Variants in SAMMSON observed in about 807,000 individuals in gnomAD.
The protein encoded by SAMMSON is survival associated mitochondrial melanoma specific oncogenic non-coding RNA.
chr3:70,128,491 A>T (rs2067468223), intron 4 of SAMMSON, among the ~76,000 whole-genome samples: 1 of 152,226 alleles, frequency 6.6e-6, no homozygotes, highest in South Asian at 2.1e-4. Context: ...AAACCATTTC[A>T]TATTTTAAAA....
chr3:70,125,518 G>T, intron 4 of SAMMSON: 3 of 704,574 alleles, frequency 4.3e-6, no homozygotes, highest in South Asian at 3.1e-5. Context: ...AATTAGGTTT[G>T]GGAAAGATTT....
At chr3:70,212,251 C>T (rs1701358591) in intron 4 of SAMMSON, among the ~76,000 whole-genome samples, 1 of 152,150 alleles carries the variant, frequency 6.6e-6, no homozygotes, top group Non-Finnish European at 1.5e-5. Context: ...ACAGTAATCA[C>T]AAATTACAGC....
rs1215335562 is a variant in SAMMSON, at chr3:70,380,272, T to TA, written n.914-9296dup. On this transcript the variant is annotated intron_variant and non_coding_transcript_variant, in intron 9 of 9. Coordinates refer to ENST00000642114, the Ensembl canonical transcript of SAMMSON. ...GAGATTAAAGTATGTTTATGTAGGA[T>TA]AAAAAATATTTTTCTAATATTGTTA... 2.6e-5 allele frequency among the ~76,000 whole-genome samples: 4 copies of TA among 152,208 alleles called. No individual in the cohort carries two copies. In the East Asian group the frequency reaches 7.7e-4, roughly 29 times the overall value.
chr3:70,277,523 A>G (rs1702039454), intron 6 of SAMMSON, among the ~76,000 whole-genome samples: 1 of 152,200 alleles, frequency 6.6e-6, no homozygotes, highest in Non-Finnish European at 1.5e-5. Context: ...CTGAACGAAC[A>G]GACCGCTTTT....
chr3:70,074,045 CT>C (rs2067239476), intron 4 of SAMMSON, among the ~76,000 whole-genome samples: 1 of 151,552 alleles, frequency 6.6e-6, no homozygotes, highest in Non-Finnish European at 1.5e-5. Flanking sequence ...TATTATTTTT[CT>C]TTTTATTTTG....
chr3:70,402,754 C>G (rs1161298512), intron 2 of SAMMSON, among the ~76,000 whole-genome samples: 1 of 151,930 alleles, frequency 6.6e-6, no homozygotes, highest in Non-Finnish European at 1.5e-5. Flanking sequence ...CCCAGCTACT[C>G]AAGAGGCTAA....
intron 4 of SAMMSON, among the ~76,000 whole-genome samples, chr3:70,105,071 C>T (rs992962508): frequency 6.6e-6 from 1 of 152,048 alleles, no homozygotes; most frequent in Non-Finnish European, 1.5e-5. Flanking sequence ...ATATATAGAA[C>T]CTTACTCAGG....
At chr3:70,225,458 T>C (rs1328489887) in intron 4 of SAMMSON, among the ~76,000 whole-genome samples, 2 of 152,218 alleles carry the variant, frequency 1.3e-5, no homozygotes, top group African/African-American at 4.8e-5. Context: ...TCAAAAACAT[T>C]GTAAATCAGA....
intron 2 of SAMMSON, among the ~76,000 whole-genome samples, chr3:70,427,008 A>C: frequency 6.6e-6 from 1 of 152,230 alleles, no homozygotes; most frequent in Non-Finnish European, 1.5e-5. Context: ...ATATACAATA[A>C]AGATATTGAT....
intron 9 of SAMMSON, among the ~76,000 whole-genome samples, chr3:70,385,338 A>G (rs1281796922): frequency 6.6e-6 from 1 of 152,130 alleles, no homozygotes; most frequent in Admixed American, 6.6e-5. Flanking sequence ...CACTATAAAT[A>G]TGTTAAAGAT....
intron 7 of SAMMSON, among the ~76,000 whole-genome samples, chr3:70,306,787 T>C (rs1702405233): frequency 6.6e-6 from 1 of 152,178 alleles, no homozygotes; most frequent in South Asian, 2.1e-4. Flanking sequence ...AAAACAATTA[T>C]AGGTAGCTAG....
intron 4 of SAMMSON, chr3:70,095,872 G>C (rs908321620): frequency 1.3e-5 from 2 of 152,122 alleles, no homozygotes; most frequent in African/African-American, 4.8e-5. Flanking sequence ...TTGACGTATG[G>C]TTGCATCTCA....
chr3:70,256,800 G>A (rs1052467721), intron 6 of SAMMSON, among the ~76,000 whole-genome samples: 6 of 152,178 alleles, frequency 3.9e-5, no homozygotes, highest in African/African-American at 1.4e-4. Flanking sequence ...CTAAACATAT[G>A]TAATATACTA....
intron 3 of SAMMSON, among the ~76,000 whole-genome samples, chr3:70,062,905 A>G (rs2067195698): frequency 6.6e-6 from 1 of 152,044 alleles, no homozygotes; most frequent in African/African-American, 2.4e-5. Flanking sequence ...TGGACATTCT[A>G]TTTTGGGTTG....
At chr3:70,421,260 T>C (rs1701311030) in intron 2 of SAMMSON, among the ~76,000 whole-genome samples, 1 of 152,166 alleles carries the variant, frequency 6.6e-6, no homozygotes, top group African/African-American at 2.4e-5. Context: ...AAAAGCTGCA[T>C]ATGCTGAAAT....
At chr3:70,252,375 T>A (rs1352459170) in intron 6 of SAMMSON, among the ~76,000 whole-genome samples, 6 of 152,174 alleles carry the variant, frequency 3.9e-5, no homozygotes, top group Non-Finnish European at 8.8e-5. Flanking sequence ...AGTGTATGAC[T>A]TTTTTAGACA....
chr3:70,048,666 A>G (rs1378882103), intron 3 of SAMMSON, among the ~76,000 whole-genome samples: 2 of 152,118 alleles, frequency 1.3e-5, no homozygotes, highest in East Asian at 1.9e-4. Context: ...TACTATACCT[A>G]TAACTATTAA....
chr3:70,263,059 C>G (rs982886934), intron 6 of SAMMSON, among the ~76,000 whole-genome samples: 6 of 152,072 alleles, frequency 3.9e-5, no homozygotes, highest in Non-Finnish European at 7.4e-5. Context: ...TAATTCATCT[C>G]TCTCTTTATG....
At chr3:70,017,336 T>G (rs1396926083) in intron 3 of SAMMSON, among the ~76,000 whole-genome samples, 1 of 152,138 alleles carries the variant, frequency 6.6e-6, no homozygotes, top group Admixed American at 6.5e-5. Context: ...GGTATTTTAT[T>G]CTCTTTGAAG....
Sources: gnomAD v4.1 joint callset for allele counts (sites outside exome capture counted in the v4.1 genomes callset) on GRCh38, gnomAD v4.1.1 for gene constraint, MANE v1.5 for transcripts, NCBI Gene and HGNC (gene_info 2026-07-23, HGNC 2026-07-21) for gene names.